Variants in TBC1D15 observed in about 807,000 individuals in gnomAD.
TBC1D15 encodes GAP for RAB7.
Under a neutral mutation model 95.4 loss-of-function variants are expected in TBC1D15, and 39 were observed. That is an observed-to-expected ratio of 0.41 (90% CI 0.32 to 0.53). The LOEUF is 0.53. TBC1D15 is among the 20% of genes least tolerant of loss of function. TBC1D15 has a pLI of 0.29. For missense variants in TBC1D15, 733 were observed against 794.3 expected (o/e 0.92, Z 0.93); for synonymous variants, 258 against 261.3 (o/e 0.99, Z 0.12).
chr12:71,918,894 G>A (rs1868295076), intron 14 of TBC1D15, among the ~76,000 whole-genome samples: 1 of 152,042 alleles, frequency 6.6e-6, no homozygotes, highest in Admixed American at 6.6e-5. Context: ...TGTTTTTGGT[G>A]TACTCCTTTT....
intron 1 of TBC1D15, among the ~76,000 whole-genome samples, chr12:71,846,961 G>T (rs993164273): frequency 6.6e-6 from 1 of 151,764 alleles, no homozygotes; most frequent in Non-Finnish European, 1.5e-5. Flanking sequence ...GAGTGTTGCC[G>T]TGTTGCTCCG....
chr12:71,921,506 G>A, intron 16 of TBC1D15, 52 bp downstream of exon 16: 1 of 1,102,092 alleles, frequency 9.1e-7, no homozygotes, highest in Non-Finnish European at 1.3e-6. Context: ...GGTGGGTTGA[G>A]ATCAAGAAAG....
chr12:71,885,586 G>T (rs1270857504), intron 5 of TBC1D15, among the ~76,000 whole-genome samples: 3 of 152,170 alleles, frequency 2.0e-5, no homozygotes, highest in Admixed American at 6.5e-5. Context: ...ATTTAGTAGT[G>T]AATAAAACAG....
rs535012115 is a variant in TBC1D15, at chr12:71,843,150, A to G, written c.30+3339A>G. ...AAATACAAAAGCCGGGCATGGTGGT[A>G]CACGCCTGTAGTCCCAGGTACTCAG... On this transcript the variant is annotated intron_variant, in intron 1 of 16. Transcript: ENST00000485960. Among the ~76,000 whole-genome samples the G allele has an allele frequency of 1.6e-4, 24 of 152,182 alleles. 1 individual carries two copies. In the South Asian group the frequency reaches 5.0e-3, roughly 32 times the overall value.
intron 5 of TBC1D15, among the ~76,000 whole-genome samples, chr12:71,891,457 A>G (rs997168732): frequency 6.6e-6 from 1 of 152,190 alleles, no homozygotes; most frequent in African/African-American, 2.4e-5. Context: ...TTCCCAGAAT[A>G]TATATTTATA....
chr12:71,871,848 T>A (rs1056806414), intron 1 of TBC1D15, among the ~76,000 whole-genome samples: 5 of 152,250 alleles, frequency 3.3e-5, no homozygotes, highest in African/African-American at 9.6e-5. Context: ...ATCACGAATC[T>A]GATAAACTTT....
rs1234125246 is a variant in TBC1D15, at chr12:71,908,832, G to C, written c.1300+1694G>C. Among the ~76,000 whole-genome samples the C allele has an allele frequency of 8.5e-5, 13 of 152,166 alleles. No individual in the cohort carries two copies. The South Asian group carries it at 1.7e-3, about 19-fold the overall frequency. On this transcript the variant is annotated intron_variant, in intron 11 of 16. Coordinates refer to ENST00000485960, the MANE Select transcript of TBC1D15 (RefSeq NM_001146213.3). The stretch of plus-strand genomic sequence containing the variant: ...ATGAGTAAGGTTATTTTGATTCAGA[G>C]TGTGACTTATGGTCACACAAGTAAA...
At chr12:71,905,966 G>A (rs1900602157) in intron 10 of TBC1D15, among the ~76,000 whole-genome samples, 3 of 151,870 alleles carry the variant, frequency 2.0e-5, no homozygotes, top group Admixed American at 1.3e-4. Flanking sequence ...TTTGCCTCCC[G>A]GGTTCAAGCG....
intron 1 of TBC1D15, among the ~76,000 whole-genome samples, chr12:71,852,416 C>T (rs567262102): frequency 6.6e-6 from 1 of 152,352 alleles, no homozygotes; most frequent in Non-Finnish European, 1.5e-5. Flanking sequence ...TCAGCACTTG[C>T]CTTTCTGGTA....
At chr12:71,879,474 T>G (rs1208737980) in intron 3 of TBC1D15, among the ~76,000 whole-genome samples, 1 of 152,164 alleles carries the variant, frequency 6.6e-6, no homozygotes, top group Non-Finnish European at 1.5e-5. Context: ...CTTTCCAGAC[T>G]TTTACCTGTA....
intron 10 of TBC1D15, among the ~76,000 whole-genome samples, chr12:71,903,860 A>T (rs1361779888): frequency 6.6e-6 from 1 of 152,192 alleles, no homozygotes; most frequent in Admixed American, 6.5e-5. Flanking sequence ...TTGAGAGTGA[A>T]GGGTGGTAGG....
intron 1 of TBC1D15, among the ~76,000 whole-genome samples, chr12:71,869,329 C>T (rs1892172448): frequency 6.6e-6 from 1 of 152,076 alleles, no homozygotes; most frequent in South Asian, 2.1e-4. Context: ...TTGAGACCAG[C>T]GTGGCCAACG....
intron 5 of TBC1D15, among the ~76,000 whole-genome samples, chr12:71,892,960 G>A (rs1258708796): frequency 6.6e-6 from 1 of 151,576 alleles, no homozygotes; most frequent in East Asian, 1.9e-4. Flanking sequence ...GCTTTACCTG[G>A]AATAAAAATA....
chr12:71,892,837 A>G (rs530325119), intron 5 of TBC1D15, among the ~76,000 whole-genome samples: 44 of 151,796 alleles, frequency 2.9e-4, no homozygotes, highest in African/African-American at 9.9e-4. Context: ...ATGACTCCTA[A>G]TGTCTGTTTT....
intron 1 of TBC1D15, chr12:71,861,604 A>G (rs1890384775): frequency 8.9e-6 from 9 of 1,006,808 alleles, no homozygotes; most frequent in Non-Finnish European, 1.1e-5. Context: ...CTTGGTTTGT[A>G]TAAGTAATGG....
intron 1 of TBC1D15, among the ~76,000 whole-genome samples, chr12:71,843,037 C>G (rs2137777300): frequency 6.6e-6 from 1 of 152,032 alleles, no homozygotes; most frequent in African/African-American, 2.4e-5. Context: ...TTGTAATCAT[C>G]ACTTTGGGAG....
rs554682293 is a variant in TBC1D15 at position 71,841,383 on chromosome 12, T to C, written c.30+1572T>C. On this transcript the variant is annotated intron_variant, in intron 1 of 16. Coordinates refer to ENST00000485960, the MANE Select transcript of TBC1D15 (RefSeq NM_001146213.3). ...AATTCTGCTTCATAACCTCATTTAT[T>C]CTCATTCACTGCAAATTCACATCTA... Among the ~76,000 whole-genome samples the C allele has an allele frequency of 3.3e-5, 5 of 152,330 alleles. No homozygotes were observed. The South Asian group carries it at 1.0e-3, about 32-fold the overall frequency.
intron 5 of TBC1D15, among the ~76,000 whole-genome samples, chr12:71,890,333 A>G (rs1566019746): frequency 6.6e-6 from 1 of 152,210 alleles, no homozygotes; most frequent in Non-Finnish European, 1.5e-5. Flanking sequence ...GAGACCACAA[A>G]GAAGAGTAGT....
chr12:71,896,840 T>C, intron 9 of TBC1D15, 60 bp downstream of exon 9: 1 of 1,279,998 alleles, frequency 7.8e-7, no homozygotes, highest in South Asian at 1.4e-5. Context: ...TCATACAAAT[T>C]AGTATAGGGT....
Sources: gnomAD v4.1 joint callset for allele counts (sites outside exome capture counted in the v4.1 genomes callset) on GRCh38, gnomAD v4.1.1 for gene constraint, MANE v1.5 for transcripts, NCBI Gene and HGNC (gene_info 2026-07-23, HGNC 2026-07-21) for gene names.